The following ENAH variants were observed in gnomAD, a reference collection of about 807,000 sequenced individuals.
The protein encoded by ENAH is protein enabled homolog.
Under a neutral mutation model 78.7 loss-of-function variants are expected in ENAH, and 23 were observed. The ratio of observed to expected loss-of-function variants is 0.29; its 90% CI spans 0.21 to 0.41. The LOEUF (loss-of-function observed/expected upper bound fraction) is 0.41. ENAH is among the 10% of genes least tolerant of loss of function. ENAH has a pLI of 1.00. For missense variants in ENAH, 544 were observed against 691.0 expected (o/e 0.79, Z 2.39); for synonymous variants, 226 against 241.0 (o/e 0.94, Z 0.58).
chr1:225,638,826 T>C lies in ENAH; in HGVS notation c.5+13860A>G, dbSNP rs112423225. Among the ~76,000 whole-genome samples the C allele has an allele frequency of 5.3e-3, 800 of 152,252 alleles. 7 individuals carry two copies. The highest frequency in any genetic ancestry group is 0.018 in the African/African-American group (768 of 41,554). Reference sequence around the variant, plus strand: ...ATCTATAACGACATATATGTAAAAATGTAATACAGAACAAAATAGGTACAA... The same window carrying C: ...ATCTATAACGACATATATGTAAAAACGTAATACAGAACAAAATAGGTACAA... On this transcript the variant is annotated intron_variant, in intron 1 of 13. Coordinates refer to ENST00000366843, the MANE Select transcript of ENAH (RefSeq NM_018212.6).
chr1:225,537,609 GT>G (rs2096568004), intron 3 of ENAH, among the ~76,000 whole-genome samples: 1 of 152,130 alleles, frequency 6.6e-6, no homozygotes, highest in African/African-American at 2.4e-5. Context: ...TCCAGGTTGA[GT>G]AAATTCAGTA....
At chr1:225,519,065 A>T in intron 5 of ENAH, 133 bp downstream of exon 5, 2 of 1,340,708 alleles carry the variant, frequency 1.5e-6, no homozygotes, top group Non-Finnish European at 2.0e-6. Flanking sequence ...ATTGCTGCAT[A>T]TTTATTCATA....
intron 1 of ENAH, among the ~76,000 whole-genome samples, chr1:225,608,307 C>T (rs950806998): frequency 2.0e-5 from 3 of 150,230 alleles, no homozygotes; most frequent in Admixed American, 6.6e-5. Flanking sequence ...ACAAGGAGTT[C>T]TCCCTTTTCA....
intron 1 of ENAH, among the ~76,000 whole-genome samples, chr1:225,592,613 CTTTT>C (rs1489953624): frequency 4.6e-5 from 7 of 152,120 alleles, no homozygotes; most frequent in African/African-American, 9.7e-5. Context: ...CAGAAATTGT[CTTTT>C]GTTATATTTT....
chr1:225,513,056 G>C (rs780048634), intron 7 of ENAH, 40 bp from the exon 8 acceptor site: 14 of 1,510,958 alleles, frequency 9.3e-6, no homozygotes, highest in Middle Eastern at 1.8e-4. Context: ...TCCTATGTTA[G>C]ACAACCATAT....
intron 1 of ENAH, among the ~76,000 whole-genome samples, chr1:225,610,727 T>C (rs1324690679): frequency 6.6e-6 from 1 of 151,716 alleles, no homozygotes; most frequent in African/African-American, 2.4e-5. Context: ...GCCAACAAAG[T>C]AGAGGAATTA....
chr1:225,506,429 C>T (rs1011300352), intron 11 of ENAH, among the ~76,000 whole-genome samples: 4 of 152,156 alleles, frequency 2.6e-5, no homozygotes, highest in Non-Finnish European at 5.9e-5. Flanking sequence ...CTCAAGTGAT[C>T]TACCCACCTT....
chr1:225,508,828 T>G lies in ENAH; in HGVS notation c.1472-811A>C, dbSNP rs575095828. ...GAGAATGAAGTCTATTCATGAATTG[T>G]GATCTCATTGTATAGTTTTAACTAA... On this transcript the variant is annotated intron_variant, in intron 10 of 13. Coordinates refer to ENST00000366843, the MANE Select transcript of ENAH (RefSeq NM_018212.6). Among the ~76,000 whole-genome samples, 5 of 152,384 alleles carry G rather than the reference T, an allele frequency of 3.3e-5. No individual in the cohort carries two copies. The East Asian group carries it at 9.6e-4, about 29-fold the overall frequency.
At chr1:225,597,389 G>C (rs2096906867) in intron 1 of ENAH, among the ~76,000 whole-genome samples, 1 of 152,130 alleles carries the variant, frequency 6.6e-6, no homozygotes, top group African/African-American at 2.4e-5. Context: ...GCCAGGCATG[G>C]TGGCTCACAC....
intron 11 of ENAH, among the ~76,000 whole-genome samples, chr1:225,504,466 G>C (rs184858536): frequency 2.6e-4 from 40 of 152,070 alleles, no homozygotes; most frequent in Admixed American, 2.2e-3. Context: ...TTTTAATTAA[G>C]AAAAAACTAG....
At chr1:225,503,672 A>AAAAAC (rs1374100366) in intron 11 of ENAH, among the ~76,000 whole-genome samples, 4 of 150,100 alleles carry the variant, frequency 2.7e-5, no homozygotes, top group Admixed American at 1.3e-4. Context: ...AAAAAAAAAA[A>AAAAAC]AAAAAACACA....
At chr1:225,520,325 A>T (rs907108889) in intron 4 of ENAH, among the ~76,000 whole-genome samples, 3 of 150,052 alleles carry the variant, frequency 2.0e-5, no homozygotes, top group Non-Finnish European at 4.5e-5. Context: ...CTGAATGAAA[A>T]AGAGTCAAGA....
At chr1:225,533,339 C>G (rs1381704696) in intron 3 of ENAH, among the ~76,000 whole-genome samples, 1 of 152,112 alleles carries the variant, frequency 6.6e-6, no homozygotes, top group African/African-American at 2.4e-5. Flanking sequence ...GGAATATAAA[C>G]ATTACTTTAC....
chr1:225,635,974 T>TG (rs1487324885), intron 1 of ENAH, among the ~76,000 whole-genome samples: 2 of 152,244 alleles, frequency 1.3e-5, no homozygotes, highest in Non-Finnish European at 2.9e-5. Context: ...AGACTCAAGA[T>TG]GCAACATCAA....
At chr1:225,610,860 A>C (rs2096984422) in intron 1 of ENAH, among the ~76,000 whole-genome samples, 1 of 152,240 alleles carries the variant, frequency 6.6e-6, no homozygotes, top group Non-Finnish European at 1.5e-5. Flanking sequence ...AAGATCCAAA[A>C]ACTGCAACCA....
intron 3 of ENAH, among the ~76,000 whole-genome samples, chr1:225,550,951 TG>T (rs1192797250): frequency 1.3e-5 from 2 of 152,052 alleles, no homozygotes; most frequent in East Asian, 3.8e-4. Flanking sequence ...AAATAAAAGT[TG>T]GGCAAATTTG....
chr1:225,500,181 A>G (rs1185982594), intron 12 of ENAH, among the ~76,000 whole-genome samples: 1 of 152,246 alleles, frequency 6.6e-6, no homozygotes, highest in Admixed American at 6.5e-5. Context: ...ACTCAATTTA[A>G]CTTTTCCAAT....
At chr1:225,623,090 A>C (rs1657299571) in intron 1 of ENAH, among the ~76,000 whole-genome samples, 1 of 152,212 alleles carries the variant, frequency 6.6e-6, no homozygotes, top group Admixed American at 6.5e-5. Context: ...ATTATGCTAA[A>C]ATGCAAAAGA....
intron 4 of ENAH, among the ~76,000 whole-genome samples, chr1:225,520,144 A>G (rs1013223747): frequency 6.6e-6 from 1 of 152,048 alleles, no homozygotes; most frequent in Non-Finnish European, 1.5e-5. Context: ...AAATATAAAA[A>G]ATTAGCCGGG....
Sources: allele counts gnomAD v4.1 joint callset (sites outside exome capture counted in the v4.1 genomes callset), GRCh38; gene constraint gnomAD v4.1.1; transcripts MANE v1.5; gene names NCBI Gene and HGNC (gene_info 2026-07-23, HGNC 2026-07-21).